NAV3: variants seen among roughly 807,000 people sequenced by gnomAD.
NAV3 encodes the protein neuron navigator 3.
NAV3 carries 87 observed loss-of-function variants against 244.7 expected under a neutral mutation model. The ratio of observed to expected loss-of-function variants is 0.36; its 90% CI spans 0.30 to 0.42. NAV3 has a LOEUF of 0.42. NAV3 is among the 20% of genes least tolerant of loss of function. The pLI is 1.00. For synonymous variants in NAV3, 1,126 were observed against 1,042.2 expected, an observed-to-expected ratio of 1.08 and a Z score of -1.55; for missense variants, 2,663 against 2,893.3, an observed-to-expected ratio of 0.92 and a Z score of 1.83.
At chr12:78,119,993 T>G in intron 15 of NAV3, 48 bp downstream of exon 15, 1 of 1,442,090 alleles carries the variant, frequency 6.9e-7, no homozygotes, top group Non-Finnish European at 9.5e-7. Flanking sequence ...GATAAATATG[T>G]GTTAGACACA....
intron 2 of NAV3, among the ~76,000 whole-genome samples, chr12:77,770,643 C>T (rs187396572): frequency 1.3e-5 from 2 of 152,326 alleles, no homozygotes; most frequent in Admixed American, 6.5e-5. Context: ...GCTTATCCAG[C>T]TGTTCCCTGC....
At chr12:78,185,345 C>T (rs1034753789) in intron 30 of NAV3, among the ~76,000 whole-genome samples, 2 of 151,728 alleles carry the variant, frequency 1.3e-5, no homozygotes, top group Non-Finnish European at 2.9e-5. Context: ...ATTCTTATTT[C>T]CTCATCTAAA....
intron 7 of NAV3, among the ~76,000 whole-genome samples, chr12:78,002,252 G>A (rs1241796936): frequency 1.3e-5 from 2 of 152,142 alleles, no homozygotes; most frequent in African/African-American, 4.8e-5. Context: ...GTTCCTTAGT[G>A]GAGAGGTGTT....
In NAV3 at chr12:78,176,492, T is replaced by C. The variant is rs371876928; in HGVS notation, c.5124+33T>C. The C allele has an allele frequency of 2.5e-6, 4 of 1,611,090 alleles. No individual in the cohort carries two copies. In the African/African-American group the frequency reaches 5.3e-5, roughly 22 times the overall value. ...TAAACCGTGGACAATTTGGCATGCATCTATAAAAAAACCCTACCTTGGCAT... is the reference window on the plus strand; with the variant it reads ...TAAACCGTGGACAATTTGGCATGCACCTATAAAAAAACCCTACCTTGGCAT... On this transcript the variant is annotated intron_variant, in intron 26 of 39. Transcript: ENST00000397909.
intron 12 of NAV3, among the ~76,000 whole-genome samples, chr12:78,099,201 C>G (rs1312531193): frequency 6.6e-6 from 1 of 151,026 alleles, no homozygotes; most frequent in Non-Finnish European, 1.5e-5. Flanking sequence ...CTTTATGCAT[C>G]TTAAAATATA....
intron 2 of NAV3, among the ~76,000 whole-genome samples, chr12:77,609,662 G>A (rs1268322868): frequency 8.0e-6 from 1 of 125,616 alleles, no homozygotes; most frequent in Admixed American, 7.8e-5. Flanking sequence ...TGATGTTGAT[G>A]CTGTTGGTCT....
intron 5 of NAV3, among the ~76,000 whole-genome samples, chr12:77,987,177 A>G (rs2136317328): frequency 6.6e-6 from 1 of 152,304 alleles, no homozygotes; most frequent in Non-Finnish European, 1.5e-5. Context: ...TATTCTGTAT[A>G]CAGATTCTAT....
intron 2 of NAV3, among the ~76,000 whole-genome samples, chr12:77,669,808 A>G (rs548387660): frequency 6.6e-6 from 1 of 152,276 alleles, no homozygotes; most frequent in East Asian, 1.9e-4. Context: ...CAGAAAGTCA[A>G]CAAAGAAACA....
intron 2 of NAV3, among the ~76,000 whole-genome samples, chr12:77,578,331 TACAG>T (rs150569595): frequency 0.015 from 2,224 of 152,260 alleles, 73 homozygotes; most frequent in African/African-American, 0.051. Context: ...ACCCTTGCCC[TACAG>T]ACAGTTTCTG....
Position 77,718,948 on chromosome 12 carries a change from C to T in NAV3, c.72+146682C>T, listed in dbSNP as rs1005669866. ...GGGATTACAGGCATGAGCCACTGCA[C>T]CTGGTCAGGATGTCTTTCCACTTAT... On this transcript the variant is annotated intron_variant, in intron 2 of 8. Transcript: ENST00000550042. Among the ~76,000 whole-genome samples the T allele has an allele frequency of 2.6e-5, 4 of 152,152 alleles. No individual in the cohort carries two copies. In the South Asian group the frequency reaches 6.2e-4, roughly 24 times the overall value.
intron 16 of NAV3, among the ~76,000 whole-genome samples, chr12:78,125,293 G>C (rs2138769828): frequency 6.6e-6 from 1 of 152,250 alleles, no homozygotes; most frequent in South Asian, 2.1e-4. Context: ...TACAATTTTA[G>C]ATGATTTTTT....
chr12:77,867,611 G>A (rs1041030212), intron 1 of NAV3, among the ~76,000 whole-genome samples: 4 of 152,080 alleles, frequency 2.6e-5, no homozygotes, highest in African/African-American at 7.2e-5. Context: ...TACTAGAGAC[G>A]GGGTTTCACT....
At chr12:77,925,536 AG>A (rs35835782) in intron 1 of NAV3, among the ~76,000 whole-genome samples, 55,184 of 104,646 alleles carry the variant, frequency 0.53, 10,576 homozygotes, top group African/African-American at 0.61. Flanking sequence ...TAGGATGAAA[AG>A]GCGGGGGGAG....
At chr12:77,668,942 G>C (rs1249685672) in intron 2 of NAV3, among the ~76,000 whole-genome samples, 1 of 152,124 alleles carries the variant, frequency 6.6e-6, no homozygotes, top group East Asian at 1.9e-4. Context: ...CAGATTAACA[G>C]CAGATTTCTC....
chr12:77,775,278 G>A (rs1870294695), intron 2 of NAV3, among the ~76,000 whole-genome samples: 1 of 151,726 alleles, frequency 6.6e-6, no homozygotes, highest in African/African-American at 2.4e-5. Flanking sequence ...TGTATTTCCA[G>A]CTACTCGGGA....
intron 14 of NAV3, among the ~76,000 whole-genome samples, chr12:78,118,532 C>A (rs555415380): frequency 4.6e-5 from 7 of 152,294 alleles, no homozygotes; most frequent in East Asian, 1.9e-4. Flanking sequence ...ACTAGGGGTA[C>A]TGGATGCCTT....
chr12:77,849,513 TAGTCAAAACAC>T (rs747620559), intron 1 of NAV3, among the ~76,000 whole-genome samples: 10 of 152,204 alleles, frequency 6.6e-5, no homozygotes, highest in Non-Finnish European at 1.3e-4. Flanking sequence ...TGATGGGTTG[TAGTCAAAACAC>T]AGTCAAAACT....
intron 3 of NAV3, among the ~76,000 whole-genome samples, chr12:77,953,928 A>T (rs1049348765): frequency 6.6e-6 from 1 of 152,166 alleles, no homozygotes; most frequent in Non-Finnish European, 1.5e-5. Context: ...ATAGAAATTT[A>T]ACTTCTCACA....
At chr12:77,763,538 A>G (rs1453966854) in intron 2 of NAV3, among the ~76,000 whole-genome samples, 3 of 152,200 alleles carry the variant, frequency 2.0e-5, no homozygotes, top group African/African-American at 7.2e-5. Flanking sequence ...CTCAAACCCT[A>G]ATACGAGTAA....
Sources: gnomAD v4.1 joint callset for allele counts (sites outside exome capture counted in the v4.1 genomes callset) on GRCh38, gnomAD v4.1.1 for gene constraint, MANE v1.5 for transcripts, NCBI Gene and HGNC (gene_info 2026-07-23, HGNC 2026-07-21) for gene names.